Variants in ANKHD1 observed in about 807,000 individuals in gnomAD.
The protein encoded by ANKHD1 is ankyrin repeat and KH domain-containing protein 1.
A neutral mutation model predicts 230.5 loss-of-function variants in ANKHD1; 31 were observed. That is an observed-to-expected ratio of 0.13 (90% CI 0.10 to 0.18). ANKHD1 has a LOEUF of 0.18. Among genes scored for constraint, ANKHD1 ranks in the 10% least tolerant of loss-of-function variants. The pLI is 1.00. For synonymous variants in ANKHD1, 1,074 were observed against 1,117.6 expected (o/e 0.96, Z 0.78); for missense variants, 2,256 against 3,071.3 (o/e 0.73, Z 6.27).
intron 23 of ANKHD1, among the ~76,000 whole-genome samples, chr5:140,513,133 A>G (rs899794535): frequency 6.6e-5 from 10 of 152,238 alleles, no homozygotes. Flanking sequence ...CACAGTGACT[A>G]CACTAAGGTA....
chr5:140,534,598 A>AT (rs1753989911), intron 29 of ANKHD1, among the ~76,000 whole-genome samples: 1 of 152,000 alleles, frequency 6.6e-6, no homozygotes, highest in South Asian at 2.1e-4. Flanking sequence ...TCTCGAAGTC[A>AT]TTTTTTTTAA....
intron 1 of ANKHD1, among the ~76,000 whole-genome samples, chr5:140,407,444 AC>A (rs1770561383): frequency 6.6e-6 from 1 of 151,326 alleles, no homozygotes; most frequent in African/African-American, 2.4e-5. Context: ...TTGCTCTGTC[AC>A]CCAGGCTGGA....
chr5:140,448,602 T>C (rs778844619), intron 6 of ANKHD1, among the ~76,000 whole-genome samples: 2 of 152,154 alleles, frequency 1.3e-5, no homozygotes, highest in Admixed American at 6.6e-5. Context: ...AAAAACATGG[T>C]GTCTTGTTTT....
chr5:140,518,651 A>C (rs989503795), intron 24 of ANKHD1, among the ~76,000 whole-genome samples: 11 of 152,196 alleles, frequency 7.2e-5, no homozygotes, highest in Non-Finnish European at 1.2e-4. Context: ...AATCAATAAA[A>C]GTAATCCAGC....
chr5:140,439,424 C>T (rs1319785172), intron 3 of ANKHD1, among the ~76,000 whole-genome samples: 1 of 152,158 alleles, frequency 6.6e-6, no homozygotes, highest in Non-Finnish European at 1.5e-5. Flanking sequence ...TAACCAAGCA[C>T]TTTGGGAGGC....
intron 10 of ANKHD1, chr5:140,472,610 C>G: frequency 3.0e-6 from 1 of 338,282 alleles, no homozygotes; most frequent in Non-Finnish European, 4.5e-6. Flanking sequence ...GAGAGAAAGT[C>G]TCAGTAATAA....
At chr5:140,518,833 T>C (rs563594386) in intron 24 of ANKHD1, among the ~76,000 whole-genome samples, 234 of 152,306 alleles carry the variant, frequency 1.5e-3, no homozygotes, top group Non-Finnish European at 2.8e-3. Context: ...AATATCATAC[T>C]GAATGGGCAA....
chr5:140,419,863 TTTTC>T (rs1159592882), intron 1 of ANKHD1, among the ~76,000 whole-genome samples: 5 of 141,180 alleles, frequency 3.5e-5, no homozygotes, highest in South Asian at 2.4e-4. Context: ...TTTTTCTTTC[TTTTC>T]TTTCTTTCTT....
At chr5:140,417,878 C>T (rs981606730) in intron 1 of ANKHD1, among the ~76,000 whole-genome samples, 7 of 132,306 alleles carry the variant, frequency 5.3e-5, no homozygotes, top group African/African-American at 1.4e-4. Flanking sequence ...GCTCTGTCGT[C>T]GCTCAGGCTG....
Position 140,537,576 on chromosome 5 carries a change from C to A in ANKHD1, c.7215C>A (p.Val2405=). 1.3e-6 allele frequency: 2 copies of A among 1,586,962 alleles called. No homozygotes were observed. The highest frequency in any genetic ancestry group is 1.2e-5 in the South Asian group (1 of 86,162). Residue 2405 remains valine, a synonymous_variant, in exon 31 of 34, where the codon GTC becomes GTA. Coordinates refer to ENST00000360839, the MANE Select transcript of ANKHD1 (RefSeq NM_017747.3). ...VGHSGIWSFG[V]NAVSEGLSGW... Reference sequence around the variant, plus strand: ...ACAGTGGAATCTGGTCATTTGGTGTCAATGCTGTGTCAGGTACAATTGCCT... The same window carrying A: ...ACAGTGGAATCTGGTCATTTGGTGTAAATGCTGTGTCAGGTACAATTGCCT...
intron 1 of ANKHD1, among the ~76,000 whole-genome samples, chr5:140,422,247 C>T (rs374176606): frequency 7.9e-5 from 12 of 151,988 alleles, no homozygotes; most frequent in East Asian, 7.8e-4. Flanking sequence ...CGCACCCTCC[C>T]GAGTAGCTGG....
chr5:140,449,752 G>C (rs1050998219), intron 7 of ANKHD1, among the ~76,000 whole-genome samples: 1 of 138,946 alleles, frequency 7.2e-6, no homozygotes, highest in Non-Finnish European at 1.6e-5. Context: ...GAATGCATCT[G>C]CTTTTGGAAT....
intron 5 of ANKHD1, among the ~76,000 whole-genome samples, chr5:140,441,641 A>G (rs773664923): frequency 5.9e-4 from 90 of 152,286 alleles, no homozygotes; most frequent in Non-Finnish European, 9.7e-4. Context: ...GAAGTAGGTA[A>G]AAGGATACAA....
intron 5 of ANKHD1, among the ~76,000 whole-genome samples, chr5:140,444,732 T>A (rs1341600286): frequency 6.6e-6 from 1 of 152,196 alleles, no homozygotes; most frequent in Non-Finnish European, 1.5e-5. Flanking sequence ...CAATAATGAT[T>A]TTTAGTAAAT....
At chr5:140,480,641 T>C (rs1415982936) in intron 10 of ANKHD1, among the ~76,000 whole-genome samples, 5 of 152,152 alleles carry the variant, frequency 3.3e-5, no homozygotes, top group Non-Finnish European at 5.9e-5. Flanking sequence ...ACTCTCGGGC[T>C]TAACTACTAC....
chr5:140,512,002 G>T (rs190527414), intron 22 of ANKHD1, among the ~76,000 whole-genome samples: 225 of 152,232 alleles, frequency 1.5e-3, no homozygotes, highest in African/African-American at 5.3e-3. Context: ...TTGGGAGGCC[G>T]AGTCAGGTGG....
At chr5:140,504,309 C>T (rs1302626294) in intron 15 of ANKHD1, among the ~76,000 whole-genome samples, 3 of 152,266 alleles carry the variant, frequency 2.0e-5, no homozygotes, top group Non-Finnish European at 4.4e-5. Flanking sequence ...GCCTCGGCCT[C>T]CCAAAGTGCT....
intron 10 of ANKHD1, among the ~76,000 whole-genome samples, chr5:140,475,495 G>A (rs1047065653): frequency 3.3e-5 from 5 of 152,024 alleles, no homozygotes; most frequent in African/African-American, 1.2e-4. Flanking sequence ...CAACTATCTA[G>A]GGTTATGGTT....
intron 10 of ANKHD1, among the ~76,000 whole-genome samples, chr5:140,474,409 C>G (rs911630591): frequency 6.6e-6 from 1 of 152,116 alleles, no homozygotes; most frequent in Non-Finnish European, 1.5e-5. Flanking sequence ...GACATTGCCT[C>G]TGTGGTATAG....
Sources: gnomAD v4.1 joint callset for allele counts (sites outside exome capture counted in the v4.1 genomes callset) on GRCh38, gnomAD v4.1.1 for gene constraint, MANE v1.5 for transcripts, NCBI Gene and HGNC (gene_info 2026-07-23, HGNC 2026-07-21) for gene names.